The following MIS18A variants were observed in gnomAD, a reference collection of about 807,000 sequenced individuals.
MIS18A encodes MIS18 kinetochore protein A.
Under a neutral mutation model 25.0 loss-of-function variants are expected in MIS18A, and 14 were observed. The observed-to-expected ratio is 0.56, with a 90% CI of 0.37 to 0.88. The LOEUF (loss-of-function observed/expected upper bound fraction) is 0.88. MIS18A is among the 40% of genes least tolerant of loss of function. The pLI is 0.00. For synonymous variants in MIS18A, 134 were observed against 118.6 expected, an observed-to-expected ratio of 1.13 and a Z score of -0.84; for missense variants, 292 against 290.8, an observed-to-expected ratio of 1.00 and a Z score of -0.03.
At chr21:32,192,459 C>A in the MIS18A span, among the ~76,000 whole-genome samples, 8 of 152,110 alleles carry the variant, frequency 5.3e-5, no homozygotes, top group Admixed American at 5.2e-4. Flanking sequence ...AGGAGCTTGG[C>A]AAATTCTGCT....
the MIS18A span, among the ~76,000 whole-genome samples, chr21:32,160,138 T>C: frequency 8.5e-5 from 13 of 152,248 alleles, 1 homozygote; most frequent in African/African-American, 2.4e-4. Flanking sequence ...CAGAGTCAGA[T>C]TGGAAAGTAA....
At chr21:32,204,414 T>C in the MIS18A span, among the ~76,000 whole-genome samples, 1 of 151,774 alleles carries the variant, frequency 6.6e-6, no homozygotes, top group Non-Finnish European at 1.5e-5. Context: ...GGAGAATCAC[T>C]TGAACCTGGG....
the MIS18A span, among the ~76,000 whole-genome samples, chr21:32,173,718 C>T: frequency 6.6e-6 from 1 of 151,712 alleles, no homozygotes; most frequent in Admixed American, 6.6e-5. Context: ...CAGGCAAATC[C>T]ACAGAAACAG....
chr21:32,229,427 T>C, the MIS18A span, among the ~76,000 whole-genome samples: 1 of 151,902 alleles, frequency 6.6e-6, no homozygotes, highest in African/African-American at 2.4e-5. Context: ...TGCGAGAGCA[T>C]GGTGGTTTTT....
the MIS18A span, among the ~76,000 whole-genome samples, chr21:32,185,081 C>T: frequency 1.2e-4 from 19 of 152,238 alleles, no homozygotes; most frequent in African/African-American, 4.1e-4. Flanking sequence ...GATGTAAGTA[C>T]CCCAGCCCCT....
intron 2 of MIS18A, among the ~76,000 whole-genome samples, chr21:32,274,197 C>CTTTTTTTTTTTTTTTTTTTTT: frequency 1.4e-5 from 1 of 72,770 alleles, no homozygotes; most frequent in Non-Finnish European, 2.5e-5. Flanking sequence ...TCCTTTTCTT[C>CTTTTTTTTTTTTTTTTTTTTT]TTTTTTTTTT....
the MIS18A span, among the ~76,000 whole-genome samples, chr21:32,162,172 C>T: frequency 0.032 from 4,810 of 152,204 alleles, 238 homozygotes; most frequent in African/African-American, 0.11. Flanking sequence ...TTTCTGCCCA[C>T]ACCATTACCA....
At chr21:32,253,735 G>T in the MIS18A span, among the ~76,000 whole-genome samples, 2 of 152,100 alleles carry the variant, frequency 1.3e-5, no homozygotes, top group African/African-American at 4.8e-5. Flanking sequence ...TCAGAAGGCA[G>T]GCTGCTATCT....
At chr21:32,256,856 C>T in the MIS18A span, among the ~76,000 whole-genome samples, 1 of 152,130 alleles carries the variant, frequency 6.6e-6, no homozygotes, top group Non-Finnish European at 1.5e-5. Context: ...CAATTCAAAT[C>T]CTCATTTCAG....
chr21:32,256,495 G>A, the MIS18A span, among the ~76,000 whole-genome samples: 2 of 152,154 alleles, frequency 1.3e-5, no homozygotes, highest in Non-Finnish European at 2.9e-5. Flanking sequence ...AAAGTACGGT[G>A]ACACGTGTGC....
chr21:32,181,601 C>T, the MIS18A span, among the ~76,000 whole-genome samples: 1 of 152,102 alleles, frequency 6.6e-6, no homozygotes, highest in Admixed American at 6.5e-5. Flanking sequence ...GGAAACTGCC[C>T]CGCCTGCTGC....
the MIS18A span, among the ~76,000 whole-genome samples, chr21:32,245,929 G>A: frequency 6.6e-6 from 1 of 152,180 alleles, no homozygotes. Flanking sequence ...CGGTTCTGCA[G>A]GCTGTACAGG....
the MIS18A span, among the ~76,000 whole-genome samples, chr21:32,188,506 G>A: frequency 6.6e-6 from 1 of 152,092 alleles, no homozygotes; most frequent in East Asian, 1.9e-4. Context: ...CACTAACTCT[G>A]TCTTTAGTCC....
At chr21:32,252,569 C>T in the MIS18A span, among the ~76,000 whole-genome samples, 3 of 152,172 alleles carry the variant, frequency 2.0e-5, no homozygotes, top group Admixed American at 2.0e-4. Context: ...TTATTCATCT[C>T]TGCTTCTGAA....
At position 32,278,859 on chromosome 21, in the gene MIS18A, C is replaced by A. The variant is rs181198941; in HGVS notation, c.156G>T (p.Trp52Cys). ...CCGACGCGTCTTCGCTCATGGAGCT[C>A]CACATGCTCGCCCACTTCTGCAACA... ...HQLLQKWASM[W>C]SSMSEDASVA... The change falls in exon 1 of 5, where the codon TGG becomes TGT. Residue 52 changes from tryptophan (W) to cysteine (C), a missense_variant. Coordinates refer to ENST00000290130, the MANE Select transcript of MIS18A (RefSeq NM_018944.3). 11 of 1,612,610 alleles carry A rather than the reference C, an allele frequency of 6.8e-6. No homozygotes were observed. The highest frequency in any genetic ancestry group is 8.5e-6 in the Non-Finnish European group (10 of 1,179,646).
At chr21:32,193,227 T>A in the MIS18A span, among the ~76,000 whole-genome samples, 1 of 152,218 alleles carries the variant, frequency 6.6e-6, no homozygotes, top group African/African-American at 2.4e-5. Context: ...TGATGCTGTT[T>A]CCCAGGGACA....
chr21:32,247,557 C>G, the MIS18A span, among the ~76,000 whole-genome samples: 145 of 152,260 alleles, frequency 9.5e-4, no homozygotes, highest in African/African-American at 3.4e-3. Context: ...GTCCTAACCC[C>G]TGGATCTCCT....
chr21:32,277,282 A>G (rs925126813), intron 1 of MIS18A, among the ~76,000 whole-genome samples: 10 of 152,240 alleles, frequency 6.6e-5, no homozygotes, highest in South Asian at 2.1e-4. Context: ...CAGTCTTTCT[A>G]TAAGTAACGC....
rs943269094 is a variant in MIS18A, at chr21:32,274,889, G to A, written c.342C>T (p.Ser114=). The A allele has an allele frequency of 6.2e-7, 1 of 1,611,282 alleles. No homozygotes were observed. Among genetic ancestry groups the A allele is most frequent in the Admixed American group, 1.7e-5 (1 of 59,798 alleles). Residue 114 remains serine (S), a synonymous_variant, in exon 2 of 5, where the codon TCC becomes TCT. Transcript: ENST00000290130. The part of the protein sequence containing the change: ...DTNCILLRCV[S]CNVSVDKEQK... ...GTTCCTTATCCACAGAAACATTACA[G>A]GAAACACCTAGAAACAGAGAAAGTA...
Sources: allele counts gnomAD v4.1 joint callset (sites outside exome capture counted in the v4.1 genomes callset), GRCh38; gene constraint gnomAD v4.1.1; transcripts MANE v1.5; gene names NCBI Gene and HGNC (gene_info 2026-07-23, HGNC 2026-07-21).